MTHFD1L: variants seen among roughly 807,000 people sequenced by gnomAD.
The protein encoded by MTHFD1L is monofunctional C1-tetrahydrofolate synthase, mitochondrial.
MTHFD1L carries 81 observed loss-of-function variants against 119.5 expected under a neutral mutation model. The observed-to-expected ratio is 0.68, with a 90% CI of 0.57 to 0.82. The LOEUF is 0.82. MTHFD1L is among the 40% of genes least tolerant of loss of function. The pLI is 0.00. For synonymous variants in MTHFD1L, 430 were observed against 475.2 expected (o/e 0.90, Z 1.24); for missense variants, 1,125 against 1,253.4 (o/e 0.90, Z 1.55).
At chr6:150,986,242 G>A (rs55993231) in intron 20 of MTHFD1L, among the ~76,000 whole-genome samples, 5,654 of 152,254 alleles carry the variant, frequency 0.037, 375 homozygotes, top group African/African-American at 0.13. Flanking sequence ...ACTTGGGCAA[G>A]TTTTATAAAT....
At chr6:150,872,762 T>G (rs1318829892) in intron 1 of MTHFD1L, among the ~76,000 whole-genome samples, 1 of 151,636 alleles carries the variant, frequency 6.6e-6, no homozygotes, top group Non-Finnish European at 1.5e-5. Context: ...TAAATTGCAG[T>G]AAAGCAAAGC....
chr6:151,076,265 G>A (rs1427173952), intron 26 of MTHFD1L, among the ~76,000 whole-genome samples: 1 of 152,114 alleles, frequency 6.6e-6, no homozygotes, highest in African/African-American at 2.4e-5. Context: ...GAGGTGGGAG[G>A]ATTGCTTGAG....
At chr6:151,085,492 C>T (rs1030404098) in intron 26 of MTHFD1L, among the ~76,000 whole-genome samples, 14 of 151,970 alleles carry the variant, frequency 9.2e-5, no homozygotes, top group South Asian at 6.2e-4. Flanking sequence ...ATTTTTTGGC[C>T]GGGCGCGTTG....
intron 8 of MTHFD1L, among the ~76,000 whole-genome samples, chr6:150,913,797 C>T (rs964696541): frequency 6.6e-6 from 1 of 152,092 alleles, no homozygotes; most frequent in African/African-American, 2.4e-5. Context: ...AGTTCGAGAC[C>T]AGCCTGGGCA....
At chr6:150,903,643 C>T (rs1785430901) in intron 7 of MTHFD1L, among the ~76,000 whole-genome samples, 1 of 152,150 alleles carries the variant, frequency 6.6e-6, no homozygotes, top group Non-Finnish European at 1.5e-5. Flanking sequence ...AAGCTGTTCT[C>T]AAACTTTTGG....
At chr6:150,877,857 T>G (rs766465803) in intron 4 of MTHFD1L, 31 bp downstream of exon 4, 18 of 1,613,192 alleles carry the variant, frequency 1.1e-5, no homozygotes, top group East Asian at 2.2e-5. Context: ...AACTCTTGCT[T>G]CTTCTTTCCT....
chr6:151,077,732 A>C (rs1298482835), intron 26 of MTHFD1L, among the ~76,000 whole-genome samples: 1 of 151,452 alleles, frequency 6.6e-6, no homozygotes, highest in Non-Finnish European at 1.5e-5. Flanking sequence ...AAACCATAAT[A>C]CTGGAGGCTA....
chr6:151,036,551 T>C, intron 25 of MTHFD1L, among the ~76,000 whole-genome samples: 1 of 152,210 alleles, frequency 6.6e-6, no homozygotes. Flanking sequence ...GCTTCCTGAC[T>C]GACTCCAGAA....
intron 11 of MTHFD1L, among the ~76,000 whole-genome samples, chr6:150,928,699 G>C (rs980410478): frequency 6.6e-6 from 1 of 151,456 alleles, no homozygotes; most frequent in Non-Finnish European, 1.5e-5. Context: ...GCACCCCCAC[G>C]CCTGGCTAAC....
chr6:151,010,599 T>C (rs546606599), intron 21 of MTHFD1L, among the ~76,000 whole-genome samples: 1 of 152,348 alleles, frequency 6.6e-6, no homozygotes, highest in East Asian at 1.9e-4. Context: ...CTAATATATA[T>C]AGAAATTACA....
At chr6:151,017,797 A>G (rs1783335630) in intron 24 of MTHFD1L, among the ~76,000 whole-genome samples, 1 of 147,500 alleles carries the variant, frequency 6.8e-6, no homozygotes, top group Non-Finnish European at 1.5e-5. Flanking sequence ...GGCATATGGC[A>G]TATGTACAAG....
intron 7 of MTHFD1L, among the ~76,000 whole-genome samples, chr6:150,896,256 CT>C (rs1191688790): frequency 6.6e-6 from 1 of 152,184 alleles, no homozygotes; most frequent in African/African-American, 2.4e-5. Flanking sequence ...TGAATTCACT[CT>C]TATTTTGTTT....
chr6:151,091,193 C>T lies in MTHFD1L; in HGVS notation c.2848-1274C>T, dbSNP rs78032753. Among the ~76,000 whole-genome samples, 120 of 109,658 alleles carry T rather than the reference C, an allele frequency of 1.1e-3. 1 individual carries two copies. The highest frequency in any genetic ancestry group is 4.4e-3 in the African/African-American group (105 of 23,696). 71.9% of individuals were successfully genotyped at this position (109,658 alleles called of 152,430 possible). A position where few individuals can be genotyped will look rare whatever the true frequency, so the allele number is the denominator to read the frequency against. ...CGTTCCATGCGACTGGGTGCAGCAT[C>T]GTTCCATGCGACTGGGTGCAGCATT... On this transcript the variant is annotated intron_variant, in intron 26 of 27. Transcript: ENST00000367321.
chr6:150,942,895 C>T (rs1443197615), intron 13 of MTHFD1L, among the ~76,000 whole-genome samples: 1 of 152,154 alleles, frequency 6.6e-6, no homozygotes, highest in Non-Finnish European at 1.5e-5. Context: ...ATTTCTTAGT[C>T]TAAAAGTTAC....
intron 26 of MTHFD1L, among the ~76,000 whole-genome samples, chr6:151,082,386 A>G (rs1156981765): frequency 6.6e-6 from 1 of 152,206 alleles, no homozygotes; most frequent in African/African-American, 2.4e-5. Context: ...TCTGACCTCA[A>G]TCAAGCTACC....
At chr6:150,939,869 G>T (rs940690114) in intron 13 of MTHFD1L, among the ~76,000 whole-genome samples, 4 of 151,874 alleles carry the variant, frequency 2.6e-5, no homozygotes, top group Non-Finnish European at 5.9e-5. Context: ...TATTTTAGTA[G>T]AGACGGGGTT....
intron 20 of MTHFD1L, among the ~76,000 whole-genome samples, chr6:150,991,888 T>C (rs541475): frequency 0.54 from 81,443 of 152,030 alleles, 23,034 homozygotes; most frequent in African/African-American, 0.7. Context: ...TTGAAGAAGG[T>C]GAGAGGGGAG....
At chr6:150,999,823 G>T (rs73618817) in intron 20 of MTHFD1L, among the ~76,000 whole-genome samples, 1 of 152,116 alleles carries the variant, frequency 6.6e-6, no homozygotes, top group Non-Finnish European at 1.5e-5. Context: ...ACAAAAGCAC[G>T]TCTAAGTGGT....
intron 24 of MTHFD1L, among the ~76,000 whole-genome samples, chr6:151,026,741 G>A (rs999872902): frequency 1.4e-5 from 2 of 147,800 alleles, no homozygotes; most frequent in Non-Finnish European, 3.0e-5. Flanking sequence ...ACTCAGCCCT[G>A]TGTTTGACAC....
Sources: gnomAD v4.1 joint callset for allele counts (sites outside exome capture counted in the v4.1 genomes callset) on GRCh38, gnomAD v4.1.1 for gene constraint, MANE v1.5 for transcripts, NCBI Gene and HGNC (gene_info 2026-07-23, HGNC 2026-07-21) for gene names.